Variants in APPBP2 observed in about 807,000 individuals in gnomAD.
The protein encoded by APPBP2 is amyloid protein-binding protein 2.
APPBP2 carries 15 observed loss-of-function variants against 76.0 expected under a neutral mutation model. The observed-to-expected ratio is 0.20, with a 90% CI of 0.13 to 0.30. The LOEUF is 0.30. Ranked by LOEUF, APPBP2 falls within the 10% of genes least tolerant of loss-of-function variation. APPBP2 has a pLI of 1.00. For missense variants in APPBP2, 401 were observed against 687.2 expected (o/e 0.58, Z 4.66); for synonymous variants, 222 against 242.2 (o/e 0.92, Z 0.77).
At chr17:60,488,339 TTTATA>T (rs2090698072) in intron 3 of APPBP2, among the ~76,000 whole-genome samples, 2 of 152,296 alleles carry the variant, frequency 1.3e-5, no homozygotes, top group South Asian at 4.1e-4. Flanking sequence ...AAAAATATTA[TTTATA>T]TTAAATTCTG....
chr17:60,466,368 G>A lies in APPBP2; in HGVS notation c.595C>T (p.His199Tyr). The change falls in exon 5 of 13, where the codon CAT becomes TAT. Residue 199 changes from histidine (H) to tyrosine (Y), a missense_variant. Transcript: ENST00000083182. ...GCAGCTTTATTTGCTTGCTGGCCAT[G>A]TTTTGATAGTTTATCCATATATGTC... ...AQTYMDKLSK[H>Y]GQQANKAALY... The A allele has an allele frequency of 6.2e-7, 1 of 1,613,972 alleles. No individual in the cohort carries two copies.
chr17:60,484,183 T>C (rs1333369631), intron 3 of APPBP2, among the ~76,000 whole-genome samples: 1 of 152,216 alleles, frequency 6.6e-6, no homozygotes, highest in Non-Finnish European at 1.5e-5. Context: ...CTTTGTTCTT[T>C]TGGCTTAGGA....
At chr17:60,525,643 C>T in intron 1 of APPBP2, 151 bp downstream of exon 1, 2 of 1,218,842 alleles carry the variant, frequency 1.6e-6, no homozygotes, top group Non-Finnish European at 1.1e-6. Flanking sequence ...GGGTGCTTCT[C>T]CACTGGCAAT....
chr17:60,485,944 A>G (rs1784519292), intron 3 of APPBP2, among the ~76,000 whole-genome samples: 1 of 151,984 alleles, frequency 6.6e-6, no homozygotes, highest in Admixed American at 6.6e-5. Context: ...TTCTGCCTTC[A>G]TTTCGTTATT....
intron 1 of APPBP2, among the ~76,000 whole-genome samples, chr17:60,516,284 G>A (rs533066054): frequency 2.7e-4 from 41 of 152,282 alleles, no homozygotes; most frequent in Admixed American, 2.5e-3. Flanking sequence ...ATTAGTTAAT[G>A]TGGTTGTCTA....
chr17:60,515,933 G>A (rs1055785514), intron 1 of APPBP2, among the ~76,000 whole-genome samples: 3 of 152,208 alleles, frequency 2.0e-5, no homozygotes, highest in African/African-American at 7.2e-5. Context: ...GGGAGGCCGA[G>A]ACAGGCAGAT....
intron 1 of APPBP2, among the ~76,000 whole-genome samples, chr17:60,519,477 G>A (rs1370789139): frequency 6.6e-6 from 1 of 151,352 alleles, no homozygotes; most frequent in Admixed American, 6.6e-5. Flanking sequence ...TTTTTTTGTT[G>A]TTATCTCCTA....
rs1254391480 is a variant in APPBP2, at chr17:60,445,903, T to TG, written c.*1677dup. The TG allele has an allele frequency of 6.6e-6, 1 of 152,230 alleles. No homozygotes were observed. Among genetic ancestry groups the TG allele is most frequent in the African/African-American group, 2.4e-5 (1 of 41,418 alleles). 9.4% of individuals were successfully genotyped at this position (152,230 alleles called of 1,614,324 possible). A position where few individuals can be genotyped will look rare whatever the true frequency, so the allele number is the denominator to read the frequency against. ...CCCCTCCTAGGGAACTTAAATGCAA[T>TG]GGCTCAAAACTAATAGGACTGCAAA... On this transcript the variant is annotated 3_prime_UTR_variant, in exon 13 of 13. Transcript: ENST00000083182.
At chr17:60,506,108 GC>G (rs2143469353) in intron 1 of APPBP2, among the ~76,000 whole-genome samples, 1 of 151,874 alleles carries the variant, frequency 6.6e-6, no homozygotes, top group South Asian at 2.1e-4. Flanking sequence ...ACCCACCTCA[GC>G]CCCAGATAGT....
At chr17:60,518,054 G>A (rs1441385829) in intron 1 of APPBP2, among the ~76,000 whole-genome samples, 2 of 135,678 alleles carry the variant, frequency 1.5e-5, no homozygotes, top group Non-Finnish European at 3.1e-5. Context: ...TTTTTAAAGT[G>A]TTCTTACAAT....
intron 4 of APPBP2, among the ~76,000 whole-genome samples, chr17:60,473,825 G>A (rs984399818): frequency 4.6e-5 from 7 of 151,862 alleles, no homozygotes; most frequent in Non-Finnish European, 1.0e-4. Context: ...ATAGTTATTT[G>A]AGTCATCTGA....
At chr17:60,521,817 T>A (rs908346003) in intron 1 of APPBP2, among the ~76,000 whole-genome samples, 1 of 152,212 alleles carries the variant, frequency 6.6e-6, no homozygotes, top group African/African-American at 2.4e-5. Context: ...CGTTATTGTA[T>A]TTTATGTGTG....
At chr17:60,472,800 T>C (rs55711101) in intron 4 of APPBP2, among the ~76,000 whole-genome samples, 1 of 152,318 alleles carries the variant, frequency 6.6e-6, no homozygotes, top group Non-Finnish European at 1.5e-5. Context: ...CTTAACATTG[T>C]ACTGATTATC....
intron 3 of APPBP2, among the ~76,000 whole-genome samples, chr17:60,491,716 G>C (rs545867575): frequency 9.2e-5 from 14 of 152,160 alleles, no homozygotes; most frequent in Admixed American, 3.3e-4. Context: ...AAAGTGCTGG[G>C]ACTAGAGGTG....
At chr17:60,525,762 A>C in intron 1 of APPBP2, 32 bp downstream of exon 1, 1 of 1,612,460 alleles carries the variant, frequency 6.2e-7, no homozygotes, top group Non-Finnish European at 8.5e-7. Flanking sequence ...GGGTTGCTGG[A>C]GGAGAGCAGA....
intron 4 of APPBP2, among the ~76,000 whole-genome samples, chr17:60,468,285 A>C (rs374179065): frequency 2.0e-5 from 3 of 152,038 alleles, no homozygotes; most frequent in East Asian, 3.8e-4. Context: ...AAAGCAACCA[A>C]GGCAGAAGAT....
At chr17:60,482,555 G>A (rs554871327) in intron 3 of APPBP2, among the ~76,000 whole-genome samples, 2 of 152,272 alleles carry the variant, frequency 1.3e-5, no homozygotes, top group East Asian at 3.9e-4. Flanking sequence ...ATTTACATTA[G>A]GTATTTCTCC....
In APPBP2 at chr17:60,513,818, T is replaced by C. The variant is rs571106299; in HGVS notation, c.138+11976A>G. Among the ~76,000 whole-genome samples, 5 of 150,214 alleles carry C rather than the reference T, an allele frequency of 3.3e-5. No homozygotes were observed. The South Asian group carries it at 1.1e-3, about 32-fold the overall frequency. ...GCAGAGGTTGCAGATGCCACTGCAA[T>C]CCAGCTTCGGCAAGAAGAGTGAAAC... On this transcript the variant is annotated intron_variant, in intron 1 of 12. Coordinates refer to ENST00000083182, the MANE Select transcript of APPBP2 (RefSeq NM_006380.5).
chr17:60,456,184 G>A (rs117061119), intron 10 of APPBP2, 112 bp downstream of exon 10: 12 of 764,910 alleles, frequency 1.6e-5, no homozygotes, highest in East Asian at 1.3e-4. Context: ...CATAGACACC[G>A]TCAAATCCTG....
Sources: allele counts gnomAD v4.1 joint callset (sites outside exome capture counted in the v4.1 genomes callset), GRCh38; gene constraint gnomAD v4.1.1; transcripts MANE v1.5; gene names NCBI Gene and HGNC (gene_info 2026-07-23, HGNC 2026-07-21).